Variants in CFAP57 observed in about 807,000 individuals in gnomAD.
The protein encoded by CFAP57 is cilia and flagella associated protein 57, also known as cilia- and flagella-associated protein 57.
CFAP57 carries 116 observed loss-of-function variants against 146.8 expected under a neutral mutation model. That is an observed-to-expected ratio of 0.79 (90% CI 0.68 to 0.92). CFAP57 has a LOEUF of 0.92. Among genes scored for constraint, CFAP57 ranks in the 40% least tolerant of loss-of-function variants. The pLI, the probability that CFAP57 is intolerant of heterozygous loss-of-function variation, is 0.00. For missense variants in CFAP57, 1,377 were observed against 1,527.2 expected (o/e 0.90, Z 1.64); for synonymous variants, 518 against 552.8 (o/e 0.94, Z 0.88).
In CFAP57 at chr1:43,185,322, A is replaced by C. The variant is rs549625322; in HGVS notation, c.935A>C (p.Glu312Ala). Residue 312 changes from glutamate (E) to alanine (A), a missense_variant, in exon 5 of 23, where the codon GAA becomes GCA. Coordinates refer to ENST00000372492, the MANE Select transcript of CFAP57 (RefSeq NM_001378189.1). ...GRVLLFEKMEEKDFYRESREI... is the reference protein window; with the variant it reads ...GRVLLFEKMEAKDFYRESREI... ...GTTCTGCTGTTTGAGAAGATGGAAG[A>C]AAAGGATTTTTACCGTGAGAGCAGA... is the stretch of plus-strand genomic sequence containing the variant. 1 of 1,614,080 alleles carries C rather than the reference A, an allele frequency of 6.2e-7. No individual in the cohort carries two copies. The highest frequency in any genetic ancestry group is 1.1e-5 in the South Asian group (1 of 91,072).
intron 4 of CFAP57, among the ~76,000 whole-genome samples, chr1:43,184,458 C>G (rs1319363448): frequency 1.3e-5 from 2 of 152,232 alleles, no homozygotes; most frequent in African/African-American, 4.8e-5. Flanking sequence ...GCACCAGACA[C>G]TGCTTTAAAC....
chr1:43,187,917 C>G (rs1015147739), intron 6 of CFAP57, among the ~76,000 whole-genome samples: 3 of 152,160 alleles, frequency 2.0e-5, no homozygotes, highest in African/African-American at 7.2e-5. Context: ...AATCTTCCCA[C>G]CTCAGCTTCC....
intron 21 of CFAP57, among the ~76,000 whole-genome samples, chr1:43,236,738 T>C (rs1424825009): frequency 1.3e-5 from 2 of 150,422 alleles, no homozygotes; most frequent in African/African-American, 4.9e-5. Context: ...TGAAACCCCA[T>C]ATCTACTAAA....
At chr1:43,187,618 C>T (rs1044292764) in intron 6 of CFAP57, among the ~76,000 whole-genome samples, 6 of 149,434 alleles carry the variant, frequency 4.0e-5, no homozygotes, top group African/African-American at 9.8e-5. Context: ...AAAAAAAAAG[C>T]GCATACCCTT....
chr1:43,192,527 G>T (rs1159284128), intron 6 of CFAP57, among the ~76,000 whole-genome samples: 1 of 152,104 alleles, frequency 6.6e-6, no homozygotes, highest in Non-Finnish European at 1.5e-5. Context: ...GGAGGCTGAG[G>T]CAGGAGAATC....
intron 21 of CFAP57, among the ~76,000 whole-genome samples, chr1:43,237,624 G>T (rs1228833912): frequency 6.6e-6 from 1 of 152,210 alleles, no homozygotes; most frequent in African/African-American, 2.4e-5. Flanking sequence ...TGAAGGGTGA[G>T]TAGAGGTTGA....
At position 43,172,834 on chromosome 1, in the gene CFAP57, A is replaced by T; in HGVS notation, c.81A>T (p.Glu27Asp). 2 of 1,614,164 alleles carry T rather than the reference A, an allele frequency of 1.2e-6. No individual in the cohort carries two copies. Among genetic ancestry groups the T allele is most frequent in the Non-Finnish European group, 1.7e-6 (2 of 1,179,996 alleles). Residue 27 changes from glutamate (E) to aspartate (D), a missense_variant, in exon 2 of 23, where the codon GAA (glutamate) becomes GAT (aspartate). Coordinates refer to ENST00000372492, the MANE Select transcript of CFAP57 (RefSeq NM_001378189.1). ...CCAACAATATCTTCTACTTCGATGA[A>T]CAGATCATTATATTTCCTTCAGGAA... is the stretch of plus-strand genomic sequence containing the variant. ...HVANNIFYFD[E>D]QIIIFPSGNH...
At chr1:43,224,906 C>T (rs533438477) in intron 17 of CFAP57, among the ~76,000 whole-genome samples, 65 of 152,260 alleles carry the variant, frequency 4.3e-4, no homozygotes, top group African/African-American at 8.9e-4. Flanking sequence ...CATTGCACCT[C>T]GAGCAACTTC....
Position 43,172,335 on chromosome 1 carries a change from C to T in CFAP57, c.-138C>T, listed in dbSNP as rs1330412613. On this transcript the variant is annotated 5_prime_UTR_variant, in exon 1 of 23. Transcript: ENST00000372492. ...CGCTTCCGGCGGCAAACCATACTTC[C>T]GGTTTGTCGTTGCTATAGGAACCGC... 3.9e-6 allele frequency: 6 copies of T among 1,551,532 alleles called. No individual in the cohort carries two copies. The highest frequency in any genetic ancestry group is 4.4e-6 in the Non-Finnish European group (5 of 1,146,992).
At chr1:43,243,467 A>G (rs1028420821) in intron 22 of CFAP57, 108 bp downstream of exon 22, 4 of 1,235,706 alleles carry the variant, frequency 3.2e-6, no homozygotes, top group Non-Finnish European at 4.3e-6. Context: ...CCATCTACAC[A>G]TGGCCTTCTG....
chr1:43,192,087 G>C (rs61776951), intron 6 of CFAP57, among the ~76,000 whole-genome samples: 28,724 of 151,992 alleles, frequency 0.19, 3,104 homozygotes, highest in Middle Eastern at 0.29. Context: ...TAATTACACT[G>C]TGCTTAGAGA....
intron 10 of CFAP57, among the ~76,000 whole-genome samples, chr1:43,209,403 A>G (rs1432259403): frequency 2.0e-5 from 3 of 152,200 alleles, no homozygotes; most frequent in African/African-American, 7.2e-5. Context: ...GGATAACAGT[A>G]ACTGCCTCAG....
At position 43,222,904 on chromosome 1, in the gene CFAP57, C is replaced by T. The variant is rs1361379618; in HGVS notation, c.2613C>T (p.Ile871=). 4 of 1,550,406 alleles carry T rather than the reference C, an allele frequency of 2.6e-6. No individual in the cohort carries two copies. The South Asian group carries it at 4.8e-5, about 18-fold the overall frequency. Reference sequence around the variant, plus strand: ...TTGAGGAAGATGAAGACCGAGAAATCCAAGATATCAAAACCAAGTATGAGA... The same window carrying T: ...TTGAGGAAGATGAAGACCGAGAAATTCAAGATATCAAAACCAAGTATGAGA... ...KQIEEDEDRE[I]QDIKTKYEKK... is the part of the protein sequence containing the mutation. Residue 871 remains isoleucine (I), a synonymous_variant, in exon 16 of 23, where the codon ATC becomes ATT. Coordinates refer to ENST00000372492, the MANE Select transcript of CFAP57 (RefSeq NM_001378189.1).
At chr1:43,247,333 G>A (rs185870627) in intron 22 of CFAP57, among the ~76,000 whole-genome samples, 1 of 152,268 alleles carries the variant, frequency 6.6e-6, no homozygotes, top group East Asian at 1.9e-4. Context: ...ACCACATGAT[G>A]AATATTTTAT....
chr1:43,182,847 C>T (rs1645470706), intron 3 of CFAP57, among the ~76,000 whole-genome samples: 1 of 152,222 alleles, frequency 6.6e-6, no homozygotes, highest in South Asian at 2.1e-4. Flanking sequence ...ATAGTCAGGA[C>T]AGCAGGTTGA....
intron 6 of CFAP57, among the ~76,000 whole-genome samples, chr1:43,195,685 A>G (rs1248545550): frequency 6.6e-6 from 1 of 152,230 alleles, no homozygotes; most frequent in African/African-American, 2.4e-5. Context: ...GAAGCAAATT[A>G]TACATACTGC....
intron 11 of CFAP57, among the ~76,000 whole-genome samples, chr1:43,211,877 A>G (rs1434544879): frequency 6.6e-6 from 1 of 152,182 alleles, no homozygotes; most frequent in Non-Finnish European, 1.5e-5. Context: ...CCAGTTTACA[A>G]ATTTATATGT....
chr1:43,199,672 T>C (rs531789060), intron 9 of CFAP57, among the ~76,000 whole-genome samples, 169 bp downstream of exon 9: 1 of 152,318 alleles, frequency 6.6e-6, no homozygotes, highest in African/African-American at 2.4e-5. Flanking sequence ...TAGTTACTAA[T>C]TGCAGTTCCA....
chr1:43,253,851 T>A, intron 22 of CFAP57, 126 bp from the exon 23 acceptor site: 1 of 791,734 alleles, frequency 1.3e-6, no homozygotes, highest in Non-Finnish European at 2.0e-6. Context: ...ACCTCCAGCA[T>A]CTGGGATTGA....
Sources: gnomAD v4.1 joint callset for allele counts (sites outside exome capture counted in the v4.1 genomes callset) on GRCh38, gnomAD v4.1.1 for gene constraint, MANE v1.5 for transcripts, NCBI Gene and HGNC (gene_info 2026-07-23, HGNC 2026-07-21) for gene names.